The following PTPRN2 variants were observed in gnomAD, a reference collection of about 807,000 sequenced individuals.
The protein encoded by PTPRN2 is receptor-type tyrosine-protein phosphatase N2.
PTPRN2 carries 74 observed loss-of-function variants against 118.8 expected under a neutral mutation model. That is an observed-to-expected ratio of 0.62 (90% confidence interval 0.52 to 0.76). The LOEUF is 0.76. PTPRN2 is among the 30% of genes least tolerant of loss of function. The pLI is 0.00. For missense variants in PTPRN2, 1,481 were observed against 1,394.4 expected (o/e 1.06, Z -0.99); for synonymous variants, 641 against 608.0 (o/e 1.05, Z -0.80).
intron 12 of PTPRN2, among the ~76,000 whole-genome samples, chr7:157,776,551 CCT>C (rs1283474590): frequency 3.6e-5 from 4 of 111,714 alleles, no homozygotes; most frequent in African/African-American, 1.5e-4. Context: ...TCCCTCTCCT[CCT>C]CTCTCTCCTT....
intron 21 of PTPRN2, among the ~76,000 whole-genome samples, chr7:157,568,416 G>C (rs1319552391): frequency 6.6e-6 from 1 of 152,256 alleles, no homozygotes; most frequent in Non-Finnish European, 1.5e-5. Flanking sequence ...GAGAGGGGGT[G>C]ATTGACATTT....
chr7:158,103,128 T>C (rs1044260693), intron 10 of PTPRN2, among the ~76,000 whole-genome samples: 7 of 152,162 alleles, frequency 4.6e-5, no homozygotes, highest in African/African-American at 2.4e-5. Context: ...CTGCGGTCAT[T>C]GGCTGCAGTC....
intron 10 of PTPRN2, among the ~76,000 whole-genome samples, chr7:158,105,736 A>C (rs2150357067): frequency 6.6e-6 from 1 of 151,638 alleles, no homozygotes; most frequent in East Asian, 2.0e-4. Context: ...AGCTCTATCC[A>C]TCTCCATTGT....
At chr7:157,581,765 T>C (rs147533646) in intron 17 of PTPRN2, among the ~76,000 whole-genome samples, 73 of 152,368 alleles carry the variant, frequency 4.8e-4, no homozygotes, top group African/African-American at 1.7e-3. Context: ...TCCTAATCCC[T>C]GGTATCTATG....
At chr7:158,571,292 C>T (rs2129451507) in intron 1 of PTPRN2, among the ~76,000 whole-genome samples, 1 of 141,372 alleles carries the variant, frequency 7.1e-6, no homozygotes, top group East Asian at 2.4e-4. Flanking sequence ...TGAGACCAGT[C>T]TGATGAAACC....
chr7:158,330,777 G>T (rs1419196759), intron 2 of PTPRN2, among the ~76,000 whole-genome samples: 1 of 109,872 alleles, frequency 9.1e-6, no homozygotes, highest in Non-Finnish European at 2.0e-5. Context: ...GACACCCGCA[G>T]ACGTCACTCA....
intron 11 of PTPRN2, chr7:158,027,723 A>T (rs1807385946): frequency 1.3e-5 from 2 of 152,212 alleles, no homozygotes; most frequent in Non-Finnish European, 2.9e-5. Context: ...AGAGTTTGGG[A>T]CGGAGGTTTC....
chr7:158,250,276 T>C (rs1293321492), intron 3 of PTPRN2, among the ~76,000 whole-genome samples: 1 of 152,192 alleles, frequency 6.6e-6, no homozygotes, highest in Non-Finnish European at 1.5e-5. Flanking sequence ...ATTTTTAGGA[T>C]GTATGAATGT....
rs1812408861 is a variant in PTPRN2 at position 158,395,743 on chromosome 7, GGC to G, written c.164-78813_164-78812del. 1.9e-4 allele frequency among the ~76,000 whole-genome samples: 5 copies of G among 27,000 alleles called. 1 individual carries two copies. The highest frequency in any genetic ancestry group is 8.2e-4 in the African/African-American group (5 of 6,120). 17.7% of individuals were successfully genotyped at this position (27,000 alleles called of 152,430 possible). ...GAGGCGCGAGGGGAGAGGGGAGAGG[GGC>G]GAGGGGTGAGGCGCGAGGGGCGAGG... On this transcript the variant is annotated intron_variant, in intron 2 of 22. Coordinates refer to ENST00000389418, the MANE Select transcript of PTPRN2 (RefSeq NM_002847.5).
intron 2 of PTPRN2, among the ~76,000 whole-genome samples, chr7:158,417,868 C>T (rs1209273097): frequency 1.1e-4 from 13 of 118,652 alleles, no homozygotes; most frequent in South Asian, 6.1e-4. Context: ...TCTAGCTCTC[C>T]GTGTCCCCCT....
chr7:158,266,366 CGGGGT>C (rs1797875175), intron 3 of PTPRN2, among the ~76,000 whole-genome samples: 1 of 89,304 alleles, frequency 1.1e-5, no homozygotes, highest in Non-Finnish European at 2.3e-5. Context: ...GCGTCTGCTG[CGGGGT>C]ATTGTCTGGC....
intron 1 of PTPRN2, among the ~76,000 whole-genome samples, chr7:158,527,499 A>G (rs1824877479): frequency 6.6e-6 from 1 of 152,192 alleles, no homozygotes; most frequent in South Asian, 2.1e-4. Context: ...GCCCCAGGCC[A>G]TGGGCTGGCC....
At chr7:158,192,271 A>C in intron 5 of PTPRN2, 56 bp downstream of exon 5, 2 of 1,407,810 alleles carry the variant, frequency 1.4e-6, no homozygotes, top group Non-Finnish European at 1.9e-6. Context: ...ATGCCCAGGT[A>C]CCTGCACCCT....
intron 10 of PTPRN2, among the ~76,000 whole-genome samples, chr7:158,091,956 A>G (rs1377609229): frequency 2.0e-5 from 1 of 50,286 alleles, no homozygotes; most frequent in South Asian, 6.8e-4. Context: ...GATCGGTGAT[A>G]GATGGATGGG....
chr7:157,945,984 G>A (rs1800462642), intron 11 of PTPRN2, among the ~76,000 whole-genome samples: 2 of 152,088 alleles, frequency 1.3e-5, no homozygotes, highest in South Asian at 4.1e-4. Flanking sequence ...CTGCCTTTCT[G>A]TTCAGCTGTC....
intron 12 of PTPRN2, among the ~76,000 whole-genome samples, chr7:157,888,406 C>T (rs562426001): frequency 1.9e-4 from 29 of 152,248 alleles, no homozygotes; most frequent in African/African-American, 5.3e-4. Flanking sequence ...CTGAACCCAC[C>T]GCTTTCGCTC....
intron 1 of PTPRN2, among the ~76,000 whole-genome samples, chr7:158,490,418 C>A (rs1821362777): frequency 6.6e-6 from 1 of 152,198 alleles, no homozygotes; most frequent in South Asian, 2.1e-4. Flanking sequence ...CAGTCCCCAC[C>A]CAGGAAGGGG....
At position 157,990,614 on chromosome 7, in the gene PTPRN2, G is replaced by T. The variant is rs1408662710; in HGVS notation, c.1723+90684C>A. On this transcript the variant is annotated intron_variant, in intron 11 of 22. Coordinates refer to ENST00000389418, the MANE Select transcript of PTPRN2 (RefSeq NM_002847.5). This position sits in a 1 kb window ranked among gnomAD's most constrained non-coding sequence, Gnocchi z 4.3. ...GATGGGGGAGCAGGGCAGGCTGGGGGTCAGGGCTCAGGGCGGTGCTGACAG... is the reference window on the plus strand; with the variant it reads ...GATGGGGGAGCAGGGCAGGCTGGGGTTCAGGGCTCAGGGCGGTGCTGACAG... Among the ~76,000 whole-genome samples, 1 of 152,176 alleles carries T rather than the reference G, an allele frequency of 6.6e-6. No homozygotes were observed. The highest frequency in any genetic ancestry group is 1.5e-5 in the Non-Finnish European group (1 of 68,032).
chr7:157,810,975 C>T (rs917959438), intron 12 of PTPRN2, among the ~76,000 whole-genome samples: 2 of 152,010 alleles, frequency 1.3e-5, no homozygotes, highest in African/African-American at 4.8e-5. Context: ...ATCTTAAAAA[C>T]TCGTGGATTT....
Sources: allele counts gnomAD v4.1 joint callset (sites outside exome capture counted in the v4.1 genomes callset), GRCh38; gene constraint gnomAD v4.1.1; non-coding constraint Gnocchi (gnomAD v3.1); transcripts MANE v1.5; gene names NCBI Gene and HGNC (gene_info 2026-07-23, HGNC 2026-07-21).